The following KCNQ3 variants were observed in gnomAD, a reference collection of about 807,000 sequenced individuals.
KCNQ3 encodes the protein potassium voltage-gated channel subfamily KQT member 3.
A neutral mutation model predicts 92.5 loss-of-function variants in KCNQ3; 30 were observed. The observed-to-expected ratio is 0.32, with a 90% CI of 0.24 to 0.44. KCNQ3 has a LOEUF of 0.44. KCNQ3 is among the 20% of genes least tolerant of loss of function. KCNQ3 has a pLI of 1.00. For synonymous variants in KCNQ3, 450 were observed against 468.8 expected, an observed-to-expected ratio of 0.96 and a Z score of 0.52; for missense variants, 913 against 1,140.3, an observed-to-expected ratio of 0.80 and a Z score of 2.87.
In KCNQ3 at chr8:132,140,059, G is replaced by C; in HGVS notation, c.1568+17C>G. ...GGGGGAGGCACACAGGCACAGGTGG[G>C]ACCGTGGGGGCATTACCTGACGGCT... is the stretch of plus-strand genomic sequence containing the variant. On this transcript the variant is annotated intron_variant, in intron 11 of 14. Coordinates refer to ENST00000388996, the MANE Select transcript of KCNQ3 (RefSeq NM_004519.4). 1 of 1,554,054 alleles carries C rather than the reference G, an allele frequency of 6.4e-7. No homozygotes were observed. Among genetic ancestry groups the C allele is most frequent in the Non-Finnish European group, 8.8e-7 (1 of 1,141,928 alleles).
chr8:132,170,974 G>A (rs558175036), intron 7 of KCNQ3, among the ~76,000 whole-genome samples: 10 of 151,962 alleles, frequency 6.6e-5, no homozygotes, highest in South Asian at 4.2e-4. Context: ...AGCCGTGATC[G>A]CACCACTGCA....
At chr8:132,329,007 G>A (rs1818149686) in intron 1 of KCNQ3, among the ~76,000 whole-genome samples, 1 of 152,144 alleles carries the variant, frequency 6.6e-6, no homozygotes, top group Admixed American at 6.5e-5. Context: ...CGTTCAGCAG[G>A]TACGCGCTGA....
intron 1 of KCNQ3, among the ~76,000 whole-genome samples, chr8:132,238,364 C>A (rs1814882369): frequency 6.6e-6 from 1 of 152,166 alleles, no homozygotes; most frequent in Admixed American, 6.5e-5. Flanking sequence ...CTGGTCCTAA[C>A]TGAACCATTG....
chr8:132,327,307 T>A (rs949164022), intron 1 of KCNQ3, among the ~76,000 whole-genome samples: 5 of 152,184 alleles, frequency 3.3e-5, no homozygotes, highest in African/African-American at 1.2e-4. Context: ...CTCTAAAACC[T>A]TTTTTGCCTT....
At chr8:132,436,113 C>T (rs1821387594) in intron 1 of KCNQ3, among the ~76,000 whole-genome samples, 1 of 152,158 alleles carries the variant, frequency 6.6e-6, no homozygotes, top group African/African-American at 2.4e-5. Context: ...ATGTAATATG[C>T]ACTCTGTTGA....
At chr8:132,479,842 A>G (rs1170578938) in intron 1 of KCNQ3, among the ~76,000 whole-genome samples, 1 of 152,080 alleles carries the variant, frequency 6.6e-6, no homozygotes, top group African/African-American at 2.4e-5. Context: ...CAACACCCCT[A>G]GAAGATGTCA....
chr8:132,349,325 C>T (rs187579625), intron 1 of KCNQ3, among the ~76,000 whole-genome samples: 4 of 152,138 alleles, frequency 2.6e-5, no homozygotes, highest in Non-Finnish European at 4.4e-5. Context: ...ATCTAACGAG[C>T]GACTTCCAAA....
intron 1 of KCNQ3, among the ~76,000 whole-genome samples, chr8:132,353,231 G>A (rs777161918): frequency 6.6e-6 from 1 of 151,682 alleles, no homozygotes; most frequent in South Asian, 2.1e-4. Flanking sequence ...CACAGCCCCC[G>A]ACCCCCAGCC....
intron 1 of KCNQ3, among the ~76,000 whole-genome samples, chr8:132,222,391 G>C (rs1445261057): frequency 6.6e-6 from 1 of 152,194 alleles, no homozygotes; most frequent in African/African-American, 2.4e-5. Flanking sequence ...AATATTCCTT[G>C]AGTGAGTGCG....
intron 1 of KCNQ3, among the ~76,000 whole-genome samples, chr8:132,475,413 G>A (rs1379525973): frequency 2.5e-4 from 38 of 152,178 alleles, no homozygotes; most frequent in Admixed American, 2.5e-3. Context: ...CCAAAATGCT[G>A]ACAGTGATAT....
At chr8:132,455,000 C>T (rs77300876) in intron 1 of KCNQ3, among the ~76,000 whole-genome samples, 16,759 of 152,010 alleles carry the variant, frequency 0.11, 980 homozygotes, top group African/African-American at 0.16. Context: ...AGAATGTGGT[C>T]GCCAGAGGCT....
chr8:132,263,759 TCA>T (rs1319347883), intron 1 of KCNQ3, among the ~76,000 whole-genome samples: 1 of 152,202 alleles, frequency 6.6e-6, no homozygotes, highest in Non-Finnish European at 1.5e-5. Flanking sequence ...AACAGCAGCC[TCA>T]GTGCTTGGCC....
chr8:132,476,817 A>G (rs1822423898), intron 1 of KCNQ3, among the ~76,000 whole-genome samples: 1 of 152,150 alleles, frequency 6.6e-6, no homozygotes, highest in African/African-American at 2.4e-5. Flanking sequence ...TTGAAATATG[A>G]AAAGGACATG....
Position 132,199,825 on chromosome 8 carries a change from A to G in KCNQ3, c.387-13644T>C, listed in dbSNP as rs528264908. On this transcript the variant is annotated intron_variant, in intron 1 of 14. Transcript: ENST00000388996. ...TTCGGGAGGCTGAGGTAGGAGAATC[A>G]CTTGAACCTGGGAAGCTGAGGTTGG... 6.6e-5 allele frequency among the ~76,000 whole-genome samples: 10 copies of G among 151,542 alleles called. No homozygotes were observed. In the East Asian group the frequency reaches 1.9e-3, roughly 29 times the overall value.
intron 1 of KCNQ3, among the ~76,000 whole-genome samples, chr8:132,374,113 C>T (rs1030054627): frequency 2.0e-5 from 3 of 152,096 alleles, no homozygotes; most frequent in African/African-American, 7.2e-5. Context: ...CCACTTGTCA[C>T]CGGAGAAAAC....
intron 9 of KCNQ3, among the ~76,000 whole-genome samples, chr8:132,147,593 T>C (rs1294585267): frequency 6.6e-6 from 1 of 152,046 alleles, no homozygotes; most frequent in African/African-American, 2.4e-5. Flanking sequence ...GAATGGATGA[T>C]AGAGAGATGA....
At chr8:132,199,814 G>A (rs1264298976) in intron 1 of KCNQ3, among the ~76,000 whole-genome samples, 7 of 151,856 alleles carry the variant, frequency 4.6e-5, no homozygotes, top group Non-Finnish European at 8.8e-5. Flanking sequence ...GGAGGCTGAG[G>A]TAGGAGAATC....
At chr8:132,179,641 A>T (rs1233974904) in intron 4 of KCNQ3, among the ~76,000 whole-genome samples, 1 of 152,178 alleles carries the variant, frequency 6.6e-6, no homozygotes, top group East Asian at 1.9e-4. Context: ...AATTCATTTC[A>T]TCTTCATCTA....
At chr8:132,144,159 G>A (rs1170697790) in intron 9 of KCNQ3, among the ~76,000 whole-genome samples, 5 of 152,216 alleles carry the variant, frequency 3.3e-5, no homozygotes, top group South Asian at 2.1e-4. Context: ...TTTTGGCCAC[G>A]TTCACTTAAA....
Sources: allele counts gnomAD v4.1 joint callset (sites outside exome capture counted in the v4.1 genomes callset), GRCh38; gene constraint gnomAD v4.1.1; transcripts MANE v1.5; gene names NCBI Gene and HGNC (gene_info 2026-07-23, HGNC 2026-07-21).